Variants in TTLL9 observed in about 807,000 individuals in gnomAD.
The protein encoded by TTLL9 is probable tubulin polyglutamylase TTLL9.
Under a neutral mutation model 65.6 loss-of-function variants are expected in TTLL9, and 47 were observed. That is an observed-to-expected ratio of 0.72 (90% CI 0.57 to 0.91). The LOEUF is 0.91. Among genes scored for constraint, TTLL9 ranks in the 40% least tolerant of loss-of-function variants. TTLL9 has a pLI of 0.00. For synonymous variants in TTLL9, 179 were observed against 204.8 expected (o/e 0.87, Z 1.07); for missense variants, 537 against 568.8 (o/e 0.94, Z 0.57).
rs189567862 is a variant in TTLL9, at chr20:31,918,992, G to A, written c.505-872G>A. On this transcript the variant is annotated intron_variant, in intron 6 of 14. Transcript: ENST00000535842. ...GCCCCTATCTTGTACAGAGAGCCTCGGGTGGGCCAGGTGGGCCATGCTCAG... is the reference window on the plus strand; with the variant it reads ...GCCCCTATCTTGTACAGAGAGCCTCAGGTGGGCCAGGTGGGCCATGCTCAG... Among the ~76,000 whole-genome samples, 156 of 152,250 alleles carry A rather than the reference G, an allele frequency of 1.0e-3. 1 individual carries two copies. The highest frequency in any genetic ancestry group is 7.8e-4 in the Non-Finnish European group (53 of 68,024).
At chr20:31,917,172 C>T (rs1316698471) in intron 6 of TTLL9, among the ~76,000 whole-genome samples, 2 of 152,152 alleles carry the variant, frequency 1.3e-5, no homozygotes, top group Non-Finnish European at 2.9e-5. Flanking sequence ...AAATAATCAG[C>T]ACCCAGGTCA....
At chr20:31,935,427 G>T (rs773583800) in intron 12 of TTLL9, among the ~76,000 whole-genome samples, 4 of 152,198 alleles carry the variant, frequency 2.6e-5, no homozygotes, top group Non-Finnish European at 4.4e-5. Flanking sequence ...AGGTCATGTA[G>T]CAAGTCAAGG....
At chr20:31,896,288 A>G (rs563042565) in intron 3 of TTLL9, among the ~76,000 whole-genome samples, 20 of 152,136 alleles carry the variant, frequency 1.3e-4, no homozygotes, top group African/African-American at 4.1e-4. Flanking sequence ...CCCTGGCCCT[A>G]TTTTGCCAGG....
At chr20:31,877,644 C>A (rs2063055284) in intron 2 of TTLL9, among the ~76,000 whole-genome samples, 1 of 152,072 alleles carries the variant, frequency 6.6e-6, no homozygotes, top group Non-Finnish European at 1.5e-5. Flanking sequence ...TTCTCAGTGC[C>A]ATTTACTGAG....
chr20:31,876,630 C>T (rs981417728), intron 2 of TTLL9, among the ~76,000 whole-genome samples: 6 of 152,200 alleles, frequency 3.9e-5, no homozygotes, highest in Middle Eastern at 3.4e-3. Flanking sequence ...ACATTAACTA[C>T]AAGATGAAAG....
chr20:31,935,009 T>A, intron 12 of TTLL9, 121 bp downstream of exon 12: 2 of 954,822 alleles, frequency 2.1e-6, no homozygotes, highest in Non-Finnish European at 3.2e-6. Flanking sequence ...CACTTACATT[T>A]ACTGTGCCTC....
chr20:31,908,457 C>T (rs1350240982), intron 4 of TTLL9, 134 bp from the exon 5 acceptor site: 3 of 628,666 alleles, frequency 4.8e-6, no homozygotes, highest in Non-Finnish European at 8.7e-6. Context: ...CACCCATGGC[C>T]ACCTCCAAGA....
intron 11 of TTLL9, 125 bp from the exon 12 acceptor site, chr20:31,934,567 G>A (rs2064076130): frequency 5.7e-6 from 5 of 875,192 alleles, no homozygotes; most frequent in Non-Finnish European, 8.7e-6. Context: ...TAATTACAGG[G>A]CTCAGGGCTG....
In TTLL9 at chr20:31,890,059, T is replaced by TTG. The variant is rs1229219887; in HGVS notation, c.113+2820_113+2821insTG. On this transcript the variant is annotated intron_variant, in intron 3 of 14. Transcript: ENST00000535842. ...CCTTCCTTCCTTCTTTCTTTCTTTC[T>TTG]CTTTCTTTCTTGCTTTCTTGCTTTC... Among the ~76,000 whole-genome samples the TTG allele has an allele frequency of 1.3e-3, 146 of 110,938 alleles. 11 individuals carry two copies. Among genetic ancestry groups the TTG allele is most frequent in the African/African-American group, 5.7e-3 (136 of 23,748 alleles). The allele number at this position is 110,938 out of a possible 152,430, so 72.8% of individuals were successfully genotyped here.
chr20:31,925,110 G>A, intron 9 of TTLL9, 61 bp downstream of exon 9: 1 of 1,580,972 alleles, frequency 6.3e-7, no homozygotes, highest in Non-Finnish European at 8.7e-7. Flanking sequence ...GGGCTAGGGA[G>A]ATGGGGGGAA....
chr20:31,889,972 C>CTCTCTCTT (rs1434636252), intron 3 of TTLL9, among the ~76,000 whole-genome samples: 21 of 113,964 alleles, frequency 1.8e-4, no homozygotes, highest in South Asian at 1.6e-3. Context: ...CCACATCTCT[C>CTCTCTCTT]TCTTTCTTTC....
At chr20:31,916,662 G>A (rs1289662925) in intron 6 of TTLL9, among the ~76,000 whole-genome samples, 6 of 152,192 alleles carry the variant, frequency 3.9e-5, no homozygotes, top group Admixed American at 1.3e-4. Context: ...TGCATCCTGT[G>A]TGCTGGCTTT....
intron 2 of TTLL9, 115 bp downstream of exon 2, chr20:31,871,310 G>A: frequency 9.1e-7 from 1 of 1,097,238 alleles, no homozygotes; most frequent in South Asian, 1.3e-5. Context: ...CAAGGTTTGA[G>A]GCCCTGTTCA....
At chr20:31,916,510 T>C (rs1161921936) in intron 6 of TTLL9, among the ~76,000 whole-genome samples, 1 of 152,236 alleles carries the variant, frequency 6.6e-6, no homozygotes. Context: ...GGAACAGTCA[T>C]GTCAAGTTAC....
rs2064281089 is a variant in TTLL9 at position 31,944,440 on chromosome 20, T to C, written c.*1419T>C. The C allele has an allele frequency of 1.3e-5, 2 of 152,958 alleles. No individual in the cohort carries two copies. Among genetic ancestry groups the C allele is most frequent in the African/African-American group, 4.8e-5 (2 of 41,460 alleles). The allele number at this position is 152,958 out of a possible 1,614,324, so 9.5% of individuals were successfully genotyped here. Reference sequence around the variant, plus strand: ...TTACAAAAGGGTATAGGGTGACATCTCCTTCCCTCCCACCTGTGCGCCCCA... The same window carrying C: ...TTACAAAAGGGTATAGGGTGACATCCCCTTCCCTCCCACCTGTGCGCCCCA... On this transcript the variant is annotated 3_prime_UTR_variant, in exon 15 of 15. Transcript: ENST00000535842.
At position 31,908,833 on chromosome 20, in the gene TTLL9, G is replaced by A. The variant is rs570820152; in HGVS notation, c.318+131G>A. 176 of 752,504 alleles carry A rather than the reference G, an allele frequency of 2.3e-4. 1 individual carries two copies. The highest frequency in any genetic ancestry group is 3.2e-4 in the Non-Finnish European group (138 of 435,096). 46.6% of individuals were successfully genotyped at this position (752,504 alleles called of 1,614,324 possible). ...ATGCAACGCCGAGTGGGAAGTCTGC[G>A]GGCTAGACCTATGGAGAGCCAAATG... On this transcript the variant is annotated intron_variant, in intron 5 of 14. Coordinates refer to ENST00000535842, the MANE Select transcript of TTLL9 (RefSeq NM_001008409.5).
At chr20:31,878,823 T>C (rs994890459) in intron 2 of TTLL9, among the ~76,000 whole-genome samples, 3 of 152,258 alleles carry the variant, frequency 2.0e-5, no homozygotes, top group Admixed American at 1.3e-4. Flanking sequence ...CTCTTTCTTA[T>C]ATATATCTCA....
At chr20:31,937,636 A>G in intron 13 of TTLL9, 127 bp downstream of exon 13, 1 of 671,882 alleles carries the variant, frequency 1.5e-6, no homozygotes, top group Non-Finnish European at 2.5e-6. Context: ...CTGCCCCACC[A>G]CTTTATAGAT....
intron 14 of TTLL9, among the ~76,000 whole-genome samples, chr20:31,942,008 A>G (rs1356877743): frequency 6.6e-6 from 1 of 152,196 alleles, no homozygotes; most frequent in East Asian, 1.9e-4. Context: ...CTCGAGAGTT[A>G]GGAATGAGCC....
Sources: allele counts gnomAD v4.1 joint callset (sites outside exome capture counted in the v4.1 genomes callset), GRCh38; gene constraint gnomAD v4.1.1; transcripts MANE v1.5; gene names NCBI Gene and HGNC (gene_info 2026-07-23, HGNC 2026-07-21).